Variants in SLC17A6 observed in about 807,000 individuals in gnomAD.
The protein encoded by SLC17A6 is vesicular glutamate transporter 2.
SLC17A6 carries 35 observed loss-of-function variants against 67.1 expected under a neutral mutation model. The ratio of observed to expected loss-of-function variants is 0.52; its 90% CI spans 0.40 to 0.69. The LOEUF is 0.69. Ranked by LOEUF, SLC17A6 falls within the 30% of genes least tolerant of loss-of-function variation. The pLI is 0.00. For synonymous variants in SLC17A6, 285 were observed against 252.3 expected (o/e 1.13, Z -1.23); for missense variants, 588 against 723.9 (o/e 0.81, Z 2.15).
intron 6 of SLC17A6, among the ~76,000 whole-genome samples, 186 bp downstream of exon 6, chr11:22,363,011 A>G (rs1445707355): frequency 6.6e-6 from 1 of 152,202 alleles, no homozygotes; most frequent in East Asian, 1.9e-4. Flanking sequence ...TATTTTTCTT[A>G]GATTGCTATT....
At chr11:22,374,220 T>C (rs1031042236) in intron 8 of SLC17A6, among the ~76,000 whole-genome samples, 1 of 152,174 alleles carries the variant, frequency 6.6e-6, no homozygotes, top group African/African-American at 2.4e-5. Flanking sequence ...CAAGTATTGA[T>C]ATTTGACACA....
chr11:22,342,741 G>C (rs1435375611), intron 2 of SLC17A6, among the ~76,000 whole-genome samples: 1 of 152,106 alleles, frequency 6.6e-6, no homozygotes, highest in Non-Finnish European at 1.5e-5. Context: ...CCCATTTGTG[G>C]GGACACGCTT....
At chr11:22,371,615 G>A (rs1164321948) in intron 8 of SLC17A6, among the ~76,000 whole-genome samples, 1 of 151,806 alleles carries the variant, frequency 6.6e-6, no homozygotes, top group Non-Finnish European at 1.5e-5. Flanking sequence ...CGGGGGCAGA[G>A]TGAGGAAGCC....
At chr11:22,349,715 T>G (rs976713557) in intron 3 of SLC17A6, among the ~76,000 whole-genome samples, 3 of 152,148 alleles carry the variant, frequency 2.0e-5, no homozygotes. Context: ...CTGTCATGAG[T>G]GATGAAGTCA....
At chr11:22,351,270 T>G (rs1045477213) in intron 3 of SLC17A6, among the ~76,000 whole-genome samples, 22 of 152,120 alleles carry the variant, frequency 1.4e-4, no homozygotes, top group African/African-American at 5.3e-4. Context: ...AAGGGATACA[T>G]GTACAGGCTT....
chr11:22,368,066 A>G lies in SLC17A6; in HGVS notation c.892-1973A>G, dbSNP rs138324293. Among the ~76,000 whole-genome samples, 713 of 152,278 alleles carry G rather than the reference A, an allele frequency of 4.7e-3. 2 individuals carry two copies. The highest frequency in any genetic ancestry group is 9.1e-3 in the Admixed American group (139 of 15,296). ...TATTTATTTCACTTTTGTTTTGATG[A>G]ACTATTTCAAAGTAAATAAAACATC... On this transcript the variant is annotated intron_variant, in intron 7 of 11. Coordinates refer to ENST00000263160, the MANE Select transcript of SLC17A6 (RefSeq NM_020346.3).
intron 6 of SLC17A6, among the ~76,000 whole-genome samples, chr11:22,363,078 A>G (rs919156179): frequency 6.6e-6 from 1 of 152,208 alleles, no homozygotes; most frequent in South Asian, 2.1e-4. Context: ...TAGTAAATCT[A>G]TGTCCTTCAT....
At chr11:22,339,925 T>C (rs976851637) in intron 1 of SLC17A6, among the ~76,000 whole-genome samples, 4 of 152,064 alleles carry the variant, frequency 2.6e-5, no homozygotes, top group Admixed American at 1.3e-4. Context: ...AAAAACCGCA[T>C]TGGCTGAATT....
intron 3 of SLC17A6, among the ~76,000 whole-genome samples, chr11:22,349,094 T>C (rs570947559): frequency 1.3e-5 from 2 of 152,242 alleles, no homozygotes; most frequent in South Asian, 4.1e-4. Context: ...TCTGTCTATG[T>C]AATATTTTTT....
chr11:22,369,925 A>G (rs1856156860), intron 7 of SLC17A6, 114 bp from the exon 8 acceptor site: 15 of 914,584 alleles, frequency 1.6e-5, no homozygotes, highest in Middle Eastern at 3.3e-4. Context: ...ACATCTTCCT[A>G]CTTCCTACTT....
At chr11:22,353,998 C>T (rs548614055) in intron 3 of SLC17A6, among the ~76,000 whole-genome samples, 26 of 152,318 alleles carry the variant, frequency 1.7e-4, no homozygotes, top group South Asian at 8.3e-4. Flanking sequence ...ACTCTAACAC[C>T]TAGCAATCTG....
At chr11:22,342,510 G>A (rs1855827830) in intron 2 of SLC17A6, among the ~76,000 whole-genome samples, 1 of 152,190 alleles carries the variant, frequency 6.6e-6, no homozygotes, top group Non-Finnish European at 1.5e-5. Flanking sequence ...CCAGTTCTCA[G>A]GCGGGAAAAG....
chr11:22,343,503 C>T, intron 3 of SLC17A6, 138 bp downstream of exon 3: 1 of 643,482 alleles, frequency 1.6e-6, no homozygotes, highest in East Asian at 2.9e-5. Flanking sequence ...TTGACACACC[C>T]TCTCAGGGCT....
intron 4 of SLC17A6, among the ~76,000 whole-genome samples, chr11:22,359,924 T>C (rs904248118): frequency 1.3e-5 from 2 of 151,914 alleles, no homozygotes; most frequent in Admixed American, 6.6e-5. Flanking sequence ...ACGATATGAG[T>C]TTTCACTGAA....
chr11:22,365,506 T>C, intron 6 of SLC17A6, 41 bp from the exon 7 acceptor site: 2 of 1,609,962 alleles, frequency 1.2e-6, no homozygotes, highest in Non-Finnish European at 1.7e-6. Flanking sequence ...ACATCACTGT[T>C]AAATGGAAGT....
rs757594661 is a variant in SLC17A6 at position 22,365,580 on chromosome 11, T to G, written c.782T>G (p.Leu261Arg). Residue 261 changes from leucine to arginine, a missense_variant, in exon 7 of 12, where the codon CTT becomes CGT. Transcript: ENST00000263160. ...SFGMVWYMFW[L>R]LVSYESPAKH... Reference sequence around the variant, plus strand: ...GGAATGGTCTGGTACATGTTTTGGCTTTTGGTGTCTTATGAAAGTCCTGCA... The same window carrying G: ...GGAATGGTCTGGTACATGTTTTGGCGTTTGGTGTCTTATGAAAGTCCTGCA... The G allele has an allele frequency of 6.2e-7, 1 of 1,614,034 alleles. No homozygotes were observed. Among genetic ancestry groups the G allele is most frequent in the South Asian group, 1.1e-5 (1 of 91,078 alleles).
Position 22,362,815 on chromosome 11 carries a change from T to C in SLC17A6, c.738T>C (p.Phe246=). The C allele has an allele frequency of 6.2e-7, 1 of 1,613,208 alleles. No homozygotes were observed. Among genetic ancestry groups the C allele is most frequent in the Non-Finnish European group, 8.5e-7 (1 of 1,179,148 alleles). The change falls in exon 6 of 12, where the codon TTT becomes TTC. Residue 246 remains phenylalanine (F), a synonymous_variant. Transcript: ENST00000263160. ...AGTACACTGGCTGGTCTTCAGTGTT[T>C]TATGTCTACGGTATGTTATATTTCT... ...LVQYTGWSSV[F]YVYGSFGMVW... is the part of the protein sequence containing the mutation.
intron 4 of SLC17A6, among the ~76,000 whole-genome samples, chr11:22,360,647 T>C (rs1856042708): frequency 6.6e-6 from 1 of 152,062 alleles, no homozygotes; most frequent in Non-Finnish European, 1.5e-5. Flanking sequence ...AACTTCACTT[T>C]TCTCTGTATA....
At position 22,341,517 on chromosome 11, in the gene SLC17A6, C is replaced by G; in HGVS notation, c.87-11C>G. 1.2e-6 allele frequency: 2 copies of G among 1,611,788 alleles called. No individual in the cohort carries two copies. Among genetic ancestry groups the G allele is most frequent in the Non-Finnish European group, 1.7e-6 (2 of 1,179,060 alleles). On this transcript the variant is annotated splice_polypyrimidine_tract_variant and intron_variant, in intron 1 of 11. Transcript: ENST00000263160. ...GCCAAGTCCTTGACTCGCCCCTGCT[C>G]TGCCGCGCAGGGTGCTGGAGAAGAA...
Sources: gnomAD v4.1 joint callset for allele counts (sites outside exome capture counted in the v4.1 genomes callset) on GRCh38, gnomAD v4.1.1 for gene constraint, MANE v1.5 for transcripts, NCBI Gene and HGNC (gene_info 2026-07-23, HGNC 2026-07-21) for gene names.